The following TSPAN15 variants were observed in gnomAD, a reference collection of about 807,000 sequenced individuals.
The protein encoded by TSPAN15 is tetraspanin 15, also known as tetraspanin-15.
TSPAN15 carries 20 observed loss-of-function variants against 34.5 expected under a neutral mutation model. The observed-to-expected ratio is 0.58, with a 90% confidence interval of 0.41 to 0.84. The LOEUF is 0.84. Among genes scored for constraint, TSPAN15 ranks in the 40% least tolerant of loss-of-function variants. The probability of loss-of-function intolerance (pLI) is 0.00; values close to 1 mark genes in which losing one functional copy is unlikely to be tolerated. For synonymous variants in TSPAN15, 155 were observed against 153.9 expected (o/e 1.01, Z -0.05); for missense variants, 313 against 386.1 (o/e 0.81, Z 1.59).
At chr10:69,494,863 C>T in intron 3 of TSPAN15, 1 of 985,420 alleles carries the variant, frequency 1.0e-6, no homozygotes, top group Non-Finnish European at 1.2e-6. Context: ...CCCCTTCCCA[C>T]TGTGGGGCCC....
intron 1 of TSPAN15, 46 bp downstream of exon 1, chr10:69,451,736 A>G (rs1840972756): frequency 1.5e-6 from 2 of 1,368,630 alleles, no homozygotes; most frequent in East Asian, 3.0e-5. Flanking sequence ...GGGACCCACA[A>G]TCCGGCCGCC....
chr10:69,473,097 A>G (rs190273789), intron 1 of TSPAN15, among the ~76,000 whole-genome samples: 112 of 152,350 alleles, frequency 7.4e-4, no homozygotes, highest in Non-Finnish European at 1.2e-3. Context: ...ATAGATATTC[A>G]GAAGTGGAGA....
the TSPAN15 span, among the ~76,000 whole-genome samples, chr10:69,541,823 C>G: frequency 1.6e-4 from 25 of 152,336 alleles, no homozygotes; most frequent in African/African-American, 6.0e-4. Context: ...ACAAGTGGAA[C>G]TGAAGCAACT....
intron 1 of TSPAN15, among the ~76,000 whole-genome samples, chr10:69,474,291 C>T (rs1291663358): frequency 6.6e-6 from 1 of 152,166 alleles, no homozygotes; most frequent in African/African-American, 2.4e-5. Flanking sequence ...TTCCCTGGAA[C>T]TCCTCTTGCC....
chr10:69,532,085 T>C, the TSPAN15 span, among the ~76,000 whole-genome samples: 1 of 152,086 alleles, frequency 6.6e-6, no homozygotes, highest in Non-Finnish European at 1.5e-5. Flanking sequence ...TGGGCAGAAT[T>C]AATATTGTGA....
At chr10:69,452,419 A>C (rs775944774) in intron 1 of TSPAN15, among the ~76,000 whole-genome samples, 7 of 151,854 alleles carry the variant, frequency 4.6e-5, no homozygotes, top group Non-Finnish European at 7.4e-5. Context: ...TTCCAATTTC[A>C]GTTTGTGCGT....
At chr10:69,503,975 G>A (rs1372381310) in intron 5 of TSPAN15, among the ~76,000 whole-genome samples, 1 of 152,240 alleles carries the variant, frequency 6.6e-6, no homozygotes, top group East Asian at 1.9e-4. Context: ...TGGAACGGAA[G>A]CATGGCCAGG....
At chr10:69,501,620 A>G (rs1402051347) in intron 5 of TSPAN15, among the ~76,000 whole-genome samples, 1 of 152,238 alleles carries the variant, frequency 6.6e-6, no homozygotes, top group African/African-American at 2.4e-5. Flanking sequence ...TGATGGAGAA[A>G]AATATAAAAT....
intron 5 of TSPAN15, among the ~76,000 whole-genome samples, chr10:69,503,079 C>G (rs538709523): frequency 6.6e-6 from 1 of 152,324 alleles, no homozygotes; most frequent in South Asian, 2.1e-4. Flanking sequence ...TGCACCTGCT[C>G]TCCAGGCCTG....
chr10:69,477,914 T>C (rs933130261), intron 1 of TSPAN15, among the ~76,000 whole-genome samples: 2 of 152,122 alleles, frequency 1.3e-5, no homozygotes, highest in African/African-American at 4.8e-5. Context: ...GGAGATGAGA[T>C]GATGCAGGTA....
Position 69,507,299 on chromosome 10 carries a change from T to G in TSPAN15, c.*321T>G. On this transcript the variant is annotated 3_prime_UTR_variant, in exon 8 of 8. Transcript: ENST00000373290. ...CTCTGCTCAGGGCCCATTTCATCTC[T>G]GGCAGTGCCTTGGCGGTGGTATTCA... is the stretch of plus-strand genomic sequence containing the variant. 7.9e-7 allele frequency: 1 copy of G among 1,270,048 alleles called. No individual in the cohort carries two copies. The allele number at this position is 1,270,048 out of a possible 1,614,324, so 78.7% of individuals were successfully genotyped here.
chr10:69,471,459 G>A (rs1358695277), intron 1 of TSPAN15, among the ~76,000 whole-genome samples: 1 of 152,124 alleles, frequency 6.6e-6, no homozygotes, highest in Non-Finnish European at 1.5e-5. Context: ...CAGAGCCCAC[G>A]CCACTCTGCC....
chr10:69,496,468 T>C (rs1842087954), intron 4 of TSPAN15, among the ~76,000 whole-genome samples: 1 of 152,100 alleles, frequency 6.6e-6, no homozygotes, highest in Admixed American at 6.5e-5. Flanking sequence ...AGGGGAATAA[T>C]GACAGGAGCT....
chr10:69,515,958 G>A, the TSPAN15 span, among the ~76,000 whole-genome samples: 1 of 152,202 alleles, frequency 6.6e-6, no homozygotes, highest in Non-Finnish European at 1.5e-5. Flanking sequence ...ACAAGGTGAG[G>A]GAGCCTAAAA....
downstream of TSPAN15, among the ~76,000 whole-genome samples, chr10:69,508,937 A>T (rs1237522): frequency 8.9e-3 from 1,351 of 152,280 alleles, 17 homozygotes; most frequent in African/African-American, 0.031. Flanking sequence ...TGTCCTGGGG[A>T]TATTCACTGT....
chr10:69,462,081 A>G (rs1841274909), intron 1 of TSPAN15, among the ~76,000 whole-genome samples: 1 of 151,298 alleles, frequency 6.6e-6, no homozygotes, highest in Admixed American at 6.6e-5. Context: ...CCTGGGCTCA[A>G]GTGATCCTCC....
At chr10:69,509,757 T>A (rs929309434), downstream of TSPAN15, among the ~76,000 whole-genome samples, 1 of 152,236 alleles carries the variant, frequency 6.6e-6, no homozygotes, top group African/African-American at 2.4e-5. Flanking sequence ...AGTTAATTTT[T>A]GTATAAGGTG....
At chr10:69,461,534 T>A (rs570726790) in intron 1 of TSPAN15, among the ~76,000 whole-genome samples, 18 of 152,304 alleles carry the variant, frequency 1.2e-4, no homozygotes, top group Non-Finnish European at 1.6e-4. Flanking sequence ...TGACACAGGC[T>A]GTTTCCCATC....
At chr10:69,536,348 A>G in the TSPAN15 span, among the ~76,000 whole-genome samples, 1 of 152,190 alleles carries the variant, frequency 6.6e-6, no homozygotes, top group Admixed American at 6.5e-5. Flanking sequence ...TTCAGATAGT[A>G]TTTTTTGGCC....
Sources: gnomAD v4.1 joint callset for allele counts (sites outside exome capture counted in the v4.1 genomes callset) on GRCh38, gnomAD v4.1.1 for gene constraint, MANE v1.5 for transcripts, NCBI Gene and HGNC (gene_info 2026-07-23, HGNC 2026-07-21) for gene names.